Variants in SMG6 observed in about 807,000 individuals in gnomAD.
The protein encoded by SMG6 is telomerase-binding protein EST1A.
A neutral mutation model predicts 142.2 loss-of-function variants in SMG6; 66 were observed. The observed-to-expected ratio is 0.46, with a 90% CI of 0.38 to 0.57. SMG6 has a LOEUF of 0.57. Among genes scored for constraint, SMG6 ranks in the 20% least tolerant of loss-of-function variants. The probability of loss-of-function intolerance (pLI) is 0.00; values close to 1 mark genes in which losing one functional copy is unlikely to be tolerated. For missense variants in SMG6, 1,793 were observed against 1,832.0 expected, an observed-to-expected ratio of 0.98 and a Z score of 0.39; for synonymous variants, 779 against 702.4, an observed-to-expected ratio of 1.11 and a Z score of -1.72.
At chr17:2,157,172 C>T (rs2071033780) in intron 13 of SMG6, among the ~76,000 whole-genome samples, 3 of 152,240 alleles carry the variant, frequency 2.0e-5, no homozygotes, top group Admixed American at 2.0e-4. Flanking sequence ...GCACACGGGG[C>T]CACCCATGAC....
intron 10 of SMG6, among the ~76,000 whole-genome samples, chr17:2,209,000 T>A (rs753526688): frequency 6.6e-6 from 1 of 151,954 alleles, no homozygotes; most frequent in Non-Finnish European, 1.5e-5. Context: ...GGCAACAAAG[T>A]GAGACTCCAT....
chr17:2,268,733 A>C (rs1367803138), intron 8 of SMG6, among the ~76,000 whole-genome samples: 1 of 151,432 alleles, frequency 6.6e-6, no homozygotes, highest in Admixed American at 6.6e-5. Flanking sequence ...AATATGGTGA[A>C]ACCCCATCTC....
chr17:2,208,517 T>C (rs550076067), intron 10 of SMG6, among the ~76,000 whole-genome samples: 29 of 152,332 alleles, frequency 1.9e-4, no homozygotes, highest in Middle Eastern at 3.4e-3. Flanking sequence ...CTGCAGCGCC[T>C]GGGTGTTGAA....
intron 8 of SMG6, among the ~76,000 whole-genome samples, chr17:2,279,968 C>CT (rs1333758233): frequency 6.6e-6 from 1 of 152,162 alleles, no homozygotes; most frequent in African/African-American, 2.4e-5. Flanking sequence ...TCATGCTTGC[C>CT]TTTATCACAG....
At chr17:2,125,379 G>A (rs1197738120) in intron 13 of SMG6, among the ~76,000 whole-genome samples, 2 of 152,164 alleles carry the variant, frequency 1.3e-5, no homozygotes, top group Non-Finnish European at 2.9e-5. Flanking sequence ...ACGATCCTAC[G>A]ATTTAGGAAG....
chr17:2,275,927 G>C (rs1464309170), intron 8 of SMG6, among the ~76,000 whole-genome samples: 1 of 152,192 alleles, frequency 6.6e-6, no homozygotes, highest in Admixed American at 6.5e-5. Context: ...CATTCAGAGA[G>C]AGAAAGATCC....
intron 13 of SMG6, among the ~76,000 whole-genome samples, chr17:2,134,787 CTAAT>C (rs1300034028): frequency 2.6e-5 from 4 of 152,132 alleles, no homozygotes; most frequent in African/African-American, 7.2e-5. Flanking sequence ...TGATTCATTC[CTAAT>C]TAAATGGCTT....
chr17:2,187,510 A>G (rs1417929290), intron 11 of SMG6, among the ~76,000 whole-genome samples: 2 of 152,190 alleles, frequency 1.3e-5, no homozygotes. Context: ...AGGAATATAG[A>G]GTCAAGTATT....
chr17:2,099,074 C>A (rs1483583694), intron 13 of SMG6, among the ~76,000 whole-genome samples: 2 of 151,948 alleles, frequency 1.3e-5, no homozygotes, highest in African/African-American at 4.8e-5. Flanking sequence ...AAAATAAAAT[C>A]TATCTGCAGT....
Position 2,251,703 on chromosome 17 carries a change from A to T in SMG6, c.2662-6984T>A, listed in dbSNP as rs996995192. 3.3e-5 allele frequency among the ~76,000 whole-genome samples: 5 copies of T among 152,204 alleles called. No individual in the cohort carries two copies. In the East Asian group the frequency reaches 9.6e-4, roughly 29 times the overall value. ...AAAGCCAGCAGACTGAGGGAAATTG[A>T]GCTAAATCAGTAGGCAGCTCCAGAA... On this transcript the variant is annotated intron_variant, in intron 8 of 18. Transcript: ENST00000263073.
At chr17:2,066,372 C>G (rs1010548078) in intron 16 of SMG6, among the ~76,000 whole-genome samples, 57 of 149,580 alleles carry the variant, frequency 3.8e-4, no homozygotes, top group African/African-American at 1.1e-3. Context: ...GTATATGTCT[C>G]TGTGTGTGTG....
At chr17:2,160,703 G>A (rs993100255) in intron 13 of SMG6, among the ~76,000 whole-genome samples, 7 of 152,020 alleles carry the variant, frequency 4.6e-5, no homozygotes, top group Admixed American at 1.3e-4. Context: ...GATGGCGTGC[G>A]CCTATAGTCC....
chr17:2,124,103 GGA>G (rs1384348036), intron 13 of SMG6, among the ~76,000 whole-genome samples: 1 of 152,156 alleles, frequency 6.6e-6, no homozygotes, highest in Non-Finnish European at 1.5e-5. Context: ...CAACAACCCA[GGA>G]GAGAGAGAGG....
chr17:2,258,663 G>C (rs149080877), intron 8 of SMG6, among the ~76,000 whole-genome samples: 99 of 151,784 alleles, frequency 6.5e-4, no homozygotes, highest in African/African-American at 2.3e-3. Flanking sequence ...GCTGGGCGTG[G>C]TGGTGCAGCC....
intron 15 of SMG6, among the ~76,000 whole-genome samples, chr17:2,078,847 C>T (rs2151422197): frequency 6.6e-6 from 1 of 152,198 alleles, no homozygotes; most frequent in South Asian, 2.1e-4. Flanking sequence ...AGGAAGGTGG[C>T]TTTAGGGCCC....
chr17:2,168,469 C>T (rs986980079), intron 13 of SMG6, among the ~76,000 whole-genome samples: 19 of 152,220 alleles, frequency 1.2e-4, no homozygotes, highest in African/African-American at 4.3e-4. Context: ...AGGCGTGAGC[C>T]ATCACGCTAG....
chr17:2,248,670 C>T (rs1213223982), intron 8 of SMG6, among the ~76,000 whole-genome samples: 1 of 152,214 alleles, frequency 6.6e-6, no homozygotes, highest in African/African-American at 2.4e-5. Flanking sequence ...TTAATGAGAA[C>T]CACCGCTTTA....
chr17:2,246,912 CT>C lies in SMG6; in HGVS notation c.2662-2194del. Among the ~76,000 whole-genome samples, 3 of 152,324 alleles carry C rather than the reference CT, an allele frequency of 2.0e-5. 1 individual carries two copies. In the Middle Eastern group the frequency reaches 0.01, roughly 518 times the overall value. On this transcript the variant is annotated intron_variant, in intron 8 of 18. Coordinates refer to ENST00000263073, the MANE Select transcript of SMG6 (RefSeq NM_017575.5). Reference sequence around the variant, plus strand: ...AGTGAGCCAAGATCATACCATTGCACTCCAGCCTGGACAACAAAGAGCGAAA... The same window carrying C: ...AGTGAGCCAAGATCATACCATTGCACCCAGCCTGGACAACAAAGAGCGAAA...
At position 2,084,521 on chromosome 17, in the gene SMG6, C is replaced by T. The variant is rs371053425; in HGVS notation, c.3534+1204G>A. 1.1e-4 allele frequency among the ~76,000 whole-genome samples: 16 copies of T among 152,332 alleles called. 1 individual carries two copies. In the East Asian group the frequency reaches 1.3e-3, roughly 13 times the overall value. On this transcript the variant is annotated intron_variant, in intron 14 of 18. Transcript: ENST00000263073. ...ATGAAGCCAGTCCAAGACTCTGCTG[C>T]TCTCAGGACTCTGATCCAAAGGTGG...
Sources: gnomAD v4.1 joint callset for allele counts (sites outside exome capture counted in the v4.1 genomes callset) on GRCh38, gnomAD v4.1.1 for gene constraint, MANE v1.5 for transcripts, NCBI Gene and HGNC (gene_info 2026-07-23, HGNC 2026-07-21) for gene names.